Variants in NFILZ observed in about 807,000 individuals in gnomAD.
NFILZ encodes the protein NFIL3 like protein.
chr19:8,663,722 T>G (rs7508689), intron 3 of NFILZ, among the ~76,000 whole-genome samples: 196 of 10,766 alleles, frequency 0.018, 1 homozygote, highest in African/African-American at 0.045. Context: ...GTGTGTGTGT[T>G]TGTGTGTGTG....
rs532627682 is a variant in NFILZ at position 8,636,926 on chromosome 19, T to C, written c.-164+1180T>C. On this transcript the variant is annotated intron_variant, in intron 3 of 5. Transcript: ENST00000691075. ...GCTTTTGTATGGAGAGACAGGACAC[T>C]GGTCCCCTGGATACTGGAGGGGGAC... Among the ~76,000 whole-genome samples, 16 of 152,250 alleles carry C rather than the reference T, an allele frequency of 1.1e-4. No individual in the cohort carries two copies. The South Asian group carries it at 3.3e-3, about 32-fold the overall frequency.
intron 3 of NFILZ, among the ~76,000 whole-genome samples, chr19:8,654,735 G>GGTGC (rs1479799395): frequency 6.6e-6 from 1 of 152,240 alleles, no homozygotes; most frequent in Non-Finnish European, 1.5e-5. Flanking sequence ...GCGCCCACCA[G>GGTGC]GTGCCGCTGC....
rs35569886 is a variant in NFILZ at position 8,679,067 on chromosome 19, A to AG, written c.*1434dup. The stretch of plus-strand genomic sequence containing the variant: ...ATTGGCTTCTTCTGTGTCTTGGATC[A>AG]GGCCTTGAGCTGCTGGAACAGGAGC... On this transcript the variant is annotated 3_prime_UTR_variant, in exon 6 of 6. Coordinates refer to ENST00000691075, the MANE Select transcript of NFILZ (RefSeq NM_001378600.1). Among the ~76,000 whole-genome samples the AG allele has an allele frequency of 0.4, 60,204 of 151,586 alleles. 12,142 individuals carry two copies. Among genetic ancestry groups the AG allele is most frequent in the Admixed American group, 0.46 (7,005 of 15,260 alleles).
chr19:8,679,867 A>G lies in NFILZ; in HGVS notation c.*2232A>G, dbSNP rs1246405359. Among the ~76,000 whole-genome samples the G allele has an allele frequency of 6.6e-6, 1 of 152,202 alleles. No homozygotes were observed. Among genetic ancestry groups the G allele is most frequent in the African/African-American group, 2.4e-5 (1 of 41,460 alleles). On this transcript the variant is annotated 3_prime_UTR_variant, in exon 6 of 6. Coordinates refer to ENST00000691075, the MANE Select transcript of NFILZ (RefSeq NM_001378600.1). ...AGGCAGTAAATAAATTGCCCGGTAT[A>G]GGGGCTTCTCTGGACTGTTTTATCT...
At chr19:8,656,421 T>TC (rs2042999952) in intron 3 of NFILZ, among the ~76,000 whole-genome samples, 2 of 93,370 alleles carry the variant, frequency 2.1e-5, no homozygotes, top group African/African-American at 7.6e-5. Flanking sequence ...GAAACCCACC[T>TC]CTTTCCGCAG....
chr19:8,672,943 G>T (rs1165420403), intron 3 of NFILZ, among the ~76,000 whole-genome samples: 1 of 152,088 alleles, frequency 6.6e-6, no homozygotes, highest in East Asian at 1.9e-4. Flanking sequence ...GCTACCTCTG[G>T]GCTCATGGTG....
intron 3 of NFILZ, among the ~76,000 whole-genome samples, chr19:8,639,284 C>A (rs1362759103): frequency 6.6e-6 from 1 of 152,016 alleles, no homozygotes; most frequent in Non-Finnish European, 1.5e-5. Flanking sequence ...TCAAGAGTTA[C>A]AGGCATGGCA....
At chr19:8,631,848 G>A (rs2042871586) in intron 1 of NFILZ, among the ~76,000 whole-genome samples, 1 of 151,924 alleles carries the variant, frequency 6.6e-6, no homozygotes, top group Non-Finnish European at 1.5e-5. Flanking sequence ...GTGTGTGTGT[G>A]TGTGTGTGTG....
At chr19:8,654,662 GAAA>G (rs1555748138) in intron 3 of NFILZ, among the ~76,000 whole-genome samples, 1 of 152,136 alleles carries the variant, frequency 6.6e-6, no homozygotes, top group African/African-American at 2.4e-5. Context: ...AAAATTAAAA[GAAA>G]AAGAAAAAGA....
At chr19:8,650,450 T>G (rs1354390956) in intron 3 of NFILZ, among the ~76,000 whole-genome samples, 1 of 150,724 alleles carries the variant, frequency 6.6e-6, no homozygotes, top group Non-Finnish European at 1.5e-5. Context: ...AGGTCAGGAG[T>G]TTGAGACCAG....
chr19:8,634,736 T>G (rs1207444742), intron 2 of NFILZ, among the ~76,000 whole-genome samples: 2 of 151,960 alleles, frequency 1.3e-5, no homozygotes, highest in Non-Finnish European at 2.9e-5. Flanking sequence ...GAAAATTAGC[T>G]GGGCATAGTG....
At chr19:8,669,090 T>C (rs1466770649) in intron 3 of NFILZ, among the ~76,000 whole-genome samples, 5 of 152,130 alleles carry the variant, frequency 3.3e-5, no homozygotes, top group Non-Finnish European at 7.4e-5. Context: ...ACTACAGGCG[T>C]GCACTACCAT....
intron 3 of NFILZ, among the ~76,000 whole-genome samples, chr19:8,669,344 A>G (rs1422440580): frequency 3.3e-5 from 5 of 152,182 alleles, no homozygotes; most frequent in African/African-American, 1.2e-4. Flanking sequence ...TTTATTCCTT[A>G]TACAACCAAT....
Position 8,678,416 on chromosome 19 carries a change from G to GCATCCATCCATCCTCATCCACT in NFILZ, c.*788_*809dup. On this transcript the variant is annotated 3_prime_UTR_variant, in exon 6 of 6. Coordinates refer to ENST00000691075, the MANE Select transcript of NFILZ (RefSeq NM_001378600.1). Reference sequence around the variant, plus strand: ...TCCACCCATCCACCTATCTATGCATGCATCCATCCATCCTCATCCACTCAT... The same window carrying GCATCCATCCATCCTCATCCACT: ...TCCACCCATCCACCTATCTATGCATGCATCCATCCATCCTCATCCACTCATCCATCCATCCTCATCCACTCAT... 7.0e-6 allele frequency among the ~76,000 whole-genome samples: 1 copy of GCATCCATCCATCCTCATCCACT among 142,864 alleles called. No homozygotes were observed. The highest frequency in any genetic ancestry group is 1.5e-5 in the Non-Finnish European group (1 of 65,138). The allele number at this position is 142,864 out of a possible 152,430, so 93.7% of individuals were successfully genotyped here.
intron 3 of NFILZ, among the ~76,000 whole-genome samples, chr19:8,661,825 C>T (rs1487056075): frequency 1.3e-5 from 2 of 152,036 alleles, no homozygotes; most frequent in Non-Finnish European, 2.9e-5. Context: ...CCAGAGGTTG[C>T]AGCAAGCAGA....
intron 3 of NFILZ, among the ~76,000 whole-genome samples, chr19:8,639,489 C>T (rs1431850759): frequency 6.6e-6 from 1 of 151,724 alleles, no homozygotes; most frequent in Non-Finnish European, 1.5e-5. Context: ...CCCAGCTACT[C>T]AGGAGGCAGG....
chr19:8,645,847 C>T (rs1227289679), intron 3 of NFILZ, among the ~76,000 whole-genome samples: 3 of 152,048 alleles, frequency 2.0e-5, no homozygotes, highest in South Asian at 2.1e-4. Flanking sequence ...TCAAGCCTCA[C>T]CTGAAGCAGC....
At chr19:8,656,175 T>G (rs2042991414) in intron 3 of NFILZ, among the ~76,000 whole-genome samples, 1 of 149,702 alleles carries the variant, frequency 6.7e-6, no homozygotes, top group African/African-American at 2.5e-5. Flanking sequence ...ACGTTCTCCC[T>G]ACAGCCCACC....
chr19:8,663,750 G>GTGTGTGTATGTGTGTGTGTGTGTGTGTA (rs1555674964), intron 3 of NFILZ, among the ~76,000 whole-genome samples: 3 of 137,060 alleles, frequency 2.2e-5, no homozygotes, highest in Non-Finnish European at 4.8e-5. Context: ...GTGTGTGTGT[G>GTGTGTGTATGTGTGTGTGTGTGTGTGTA]TGTGTGTGTG....
Sources: gnomAD v4.1 joint callset for allele counts (sites outside exome capture counted in the v4.1 genomes callset) on GRCh38, gnomAD v4.1.1 for gene constraint, MANE v1.5 for transcripts, NCBI Gene and HGNC (gene_info 2026-07-23, HGNC 2026-07-21) for gene names.